The following AMBRA1 variants were observed in gnomAD, a reference collection of about 807,000 sequenced individuals.
AMBRA1 encodes the protein activating molecule in BECN1-regulated autophagy protein 1.
AMBRA1 carries 47 observed loss-of-function variants against 125.4 expected under a neutral mutation model. The ratio of observed to expected loss-of-function variants is 0.37; its 90% CI spans 0.30 to 0.48. The LOEUF (loss-of-function observed/expected upper bound fraction) is 0.48, where lower values mean the gene tolerates loss of function less well. Ranked by LOEUF, AMBRA1 falls within the 20% of genes least tolerant of loss-of-function variation. The pLI is 0.99. For missense variants in AMBRA1, 1,331 were observed against 1,693.4 expected (o/e 0.79, Z 3.76); for synonymous variants, 626 against 655.5 (o/e 0.95, Z 0.69).
chr11:46,576,180 T>A (rs2043955699), intron 1 of AMBRA1, among the ~76,000 whole-genome samples: 1 of 152,122 alleles, frequency 6.6e-6, no homozygotes, highest in South Asian at 2.1e-4. Context: ...TCCAAAAAGA[T>A]TTAGAATACT....
chr11:46,536,106 C>CT (rs1348660356), intron 7 of AMBRA1, among the ~76,000 whole-genome samples: 1 of 152,140 alleles, frequency 6.6e-6, no homozygotes, highest in African/African-American at 2.4e-5. Flanking sequence ...GTTTTTTAAT[C>CT]TTTTTTACTA....
In AMBRA1 at chr11:46,493,562, T is replaced by G. The variant is rs767772554; in HGVS notation, c.2521+46A>C. The G allele has an allele frequency of 3.4e-6, 5 of 1,477,924 alleles. No individual in the cohort carries two copies. The South Asian group carries it at 6.1e-5, about 18-fold the overall frequency. 91.6% of individuals were successfully genotyped at this position (1,477,924 alleles called of 1,614,324 possible). On this transcript the variant is annotated intron_variant, in intron 11 of 17. Transcript: ENST00000683756. ...AAAGGAGGGAGAAGCTTTATCTGGC[T>G]CCTTGGCCCTTCACATTTTCAAAAG... is the stretch of plus-strand genomic sequence containing the variant.
intron 12 of AMBRA1, among the ~76,000 whole-genome samples, chr11:46,441,535 T>C (rs1948008586): frequency 6.6e-6 from 1 of 151,912 alleles, no homozygotes; most frequent in African/African-American, 2.4e-5. Context: ...GATCAAGCTG[T>C]ACAAGTACAG....
intron 17 of AMBRA1, among the ~76,000 whole-genome samples, chr11:46,400,314 G>C (rs2136578714): frequency 6.6e-6 from 1 of 151,656 alleles, no homozygotes. Flanking sequence ...GACTTTCTTT[G>C]CTCCCCTAAC....
chr11:46,478,648 C>CTTTTTTTTTTTTTTTT (rs11449187), intron 11 of AMBRA1, among the ~76,000 whole-genome samples: 1 of 82,168 alleles, frequency 1.2e-5, no homozygotes, highest in African/African-American at 5.0e-5. Flanking sequence ...TCTTTTTTCT[C>CTTTTTTTTTTTTTTTT]TTTTTTTTTT....
At chr11:46,427,054 G>A (rs1264844164) in intron 14 of AMBRA1, among the ~76,000 whole-genome samples, 3 of 152,174 alleles carry the variant, frequency 2.0e-5, no homozygotes, top group African/African-American at 7.2e-5. Flanking sequence ...GCAGAATATA[G>A]GGAAGCACAG....
At chr11:46,510,011 G>A (rs951850116) in intron 8 of AMBRA1, among the ~76,000 whole-genome samples, 1 of 152,136 alleles carries the variant, frequency 6.6e-6, no homozygotes, top group African/African-American at 2.4e-5. Context: ...ACTGCTAGAG[G>A]AACATAGGCT....
intron 11 of AMBRA1, among the ~76,000 whole-genome samples, chr11:46,457,620 G>A (rs1948906171): frequency 6.6e-6 from 1 of 152,152 alleles, no homozygotes; most frequent in South Asian, 2.1e-4. Flanking sequence ...GATGGGCTGG[G>A]CCAGGCGCAG....
At chr11:46,512,869 A>G in intron 7 of AMBRA1, 56 bp from the exon 8 acceptor site, 1 of 1,492,908 alleles carries the variant, frequency 6.7e-7, no homozygotes, top group Non-Finnish European at 9.2e-7. Context: ...CTCAGAGGTC[A>G]TTCATAAGGA....
chr11:46,440,985 G>C (rs1456266728), intron 12 of AMBRA1, among the ~76,000 whole-genome samples: 1 of 152,110 alleles, frequency 6.6e-6, no homozygotes, highest in Non-Finnish European at 1.5e-5. Flanking sequence ...TCAACACAGA[G>C]GAAGTCCACA....
chr11:46,497,839 T>C (rs1950691989), intron 9 of AMBRA1, among the ~76,000 whole-genome samples: 1 of 152,170 alleles, frequency 6.6e-6, no homozygotes, highest in South Asian at 2.1e-4. Context: ...GATGACTCTC[T>C]AGATTCTATA....
chr11:46,404,236 G>A (rs1211585610), intron 17 of AMBRA1, among the ~76,000 whole-genome samples: 2 of 152,154 alleles, frequency 1.3e-5, no homozygotes, highest in Non-Finnish European at 2.9e-5. Flanking sequence ...TAGCAGGTGT[G>A]AGTACAGGTG....
intron 17 of AMBRA1, among the ~76,000 whole-genome samples, chr11:46,398,627 C>A (rs1037303125): frequency 6.6e-6 from 1 of 151,918 alleles, no homozygotes; most frequent in Non-Finnish European, 1.5e-5. Flanking sequence ...TACAGGTGCC[C>A]GCCACCACAC....
intron 1 of AMBRA1, among the ~76,000 whole-genome samples, chr11:46,557,401 C>G (rs2043192726): frequency 6.6e-6 from 1 of 151,946 alleles, no homozygotes; most frequent in Admixed American, 6.6e-5. Flanking sequence ...TGTAAACAGT[C>G]AGACAAATTA....
At chr11:46,510,006 T>C (rs897010859) in intron 8 of AMBRA1, among the ~76,000 whole-genome samples, 2 of 152,178 alleles carry the variant, frequency 1.3e-5, no homozygotes, top group Non-Finnish European at 2.9e-5. Context: ...AGTCAACTGC[T>C]AGAGGAACAT....
At chr11:46,513,145 A>C (rs1781535687) in intron 7 of AMBRA1, among the ~76,000 whole-genome samples, 1 of 152,194 alleles carries the variant, frequency 6.6e-6, no homozygotes, top group Admixed American at 6.5e-5. Context: ...GGAGTGAAAA[A>C]TTAGGCACAC....
At position 46,542,954 on chromosome 11, in the gene AMBRA1, C is replaced by T; in HGVS notation, c.1063G>A (p.Ala355Thr). The T allele has an allele frequency of 2.5e-6, 4 of 1,607,246 alleles. No individual in the cohort carries two copies. Among genetic ancestry groups the T allele is most frequent in the Non-Finnish European group, 3.4e-6 (4 of 1,179,942 alleles). Reference sequence around the variant, plus strand: ...CCCTGGTCCTGCTGCGTTGACGAGGCCTGCTCCGGGGGATGGAAGGGCTCG... The same window carrying T: ...CCCTGGTCCTGCTGCGTTGACGAGGTCTGCTCCGGGGGATGGAAGGGCTCG... ...QTEPFHPPEQ[A>T]SSTQQDQGLL... The change falls in exon 7 of 18, where the codon GCC becomes ACC. Residue 355 changes from alanine to threonine, a missense_variant. Ala to Thr is a moderately conservative substitution (Grantham distance 58). Coordinates refer to ENST00000683756, the MANE Select transcript of AMBRA1 (RefSeq NM_001387011.1). This position sits in a 1 kb window ranked among gnomAD's most constrained non-coding sequence, Gnocchi z 5.9.
intron 12 of AMBRA1, among the ~76,000 whole-genome samples, 179 bp from the exon 13 acceptor site, chr11:46,435,216 G>GT (rs1947663195): frequency 6.6e-6 from 1 of 152,166 alleles, no homozygotes; most frequent in South Asian, 2.1e-4. Context: ...GGCAAGAAAA[G>GT]TATGTCTCTT....
chr11:46,564,455 G>A (rs146292312), intron 1 of AMBRA1, among the ~76,000 whole-genome samples: 14 of 152,174 alleles, frequency 9.2e-5, no homozygotes, highest in African/African-American at 2.4e-4. Flanking sequence ...CAGGCATAAA[G>A]AGGCTAAATG....
Sources: allele counts gnomAD v4.1 joint callset (sites outside exome capture counted in the v4.1 genomes callset), GRCh38; gene constraint gnomAD v4.1.1; non-coding constraint Gnocchi (gnomAD v3.1); transcripts MANE v1.5; gene names NCBI Gene and HGNC (gene_info 2026-07-23, HGNC 2026-07-21).